STOML3: variants seen among roughly 807,000 people sequenced by gnomAD.
The protein encoded by STOML3 is stomatin like 3.
Under a neutral mutation model 29.5 loss-of-function variants are expected in STOML3, and 31 were observed. The ratio of observed to expected loss-of-function variants is 1.05; its 90% CI spans 0.79 to 1.42. The LOEUF (loss-of-function observed/expected upper bound fraction) is 1.42, where lower values mean the gene tolerates loss of function less well. Ranked by LOEUF, STOML3 falls within the 40% of genes most tolerant of loss-of-function variation. The pLI is 0.00. For missense variants in STOML3, 380 were observed against 363.0 expected (o/e 1.05, Z -0.38); for synonymous variants, 122 against 139.8 (o/e 0.87, Z 0.90).
At chr13:38,983,011 C>A (rs369701599) in intron 1 of STOML3, among the ~76,000 whole-genome samples, 1 of 152,176 alleles carries the variant, frequency 6.6e-6, no homozygotes, top group Non-Finnish European at 1.5e-5. Context: ...CAGACACAGG[C>A]ATGAGTGACT....
At chr13:38,990,614 C>G (rs1040026189) in intron 1 of STOML3, 56 bp downstream of exon 1, 1 of 1,578,238 alleles carries the variant, frequency 6.3e-7, no homozygotes, top group Admixed American at 1.7e-5. Flanking sequence ...AATGCTACAA[C>G]TCCTGCTTTG....
Position 38,970,356 on chromosome 13 carries a change from T to C in STOML3, c.345A>G (p.Val115=). ...AGATTCTGTAATAGACAACTCCATCTACCTGAGTAGTTACGGAGTCTCTGG... is the reference window on the plus strand; with the variant it reads ...AGATTCTGTAATAGACAACTCCATCCACCTGAGTAGTTACGGAGTCTCTGG... ...ILTRDSVTTQ[V]DGVVYYRIYS... The change falls in exon 5 of 7, where the codon GTA becomes GTG. Residue 115 remains valine (V), a synonymous_variant. Coordinates refer to ENST00000379631, the MANE Select transcript of STOML3 (RefSeq NM_145286.3). The C allele has an allele frequency of 1.2e-6, 2 of 1,614,188 alleles. No homozygotes were observed. The highest frequency in any genetic ancestry group is 1.7e-6 in the Non-Finnish European group (2 of 1,180,024).
intron 1 of STOML3, chr13:38,980,216 C>G: frequency 1.5e-6 from 2 of 1,374,826 alleles, no homozygotes; most frequent in Non-Finnish European, 2.0e-6. Context: ...GCCGCGGCTT[C>G]TGGGAGAATT....
intron 4 of STOML3, among the ~76,000 whole-genome samples, chr13:38,970,768 T>C (rs980037429): frequency 6.6e-6 from 1 of 152,200 alleles, no homozygotes; most frequent in Non-Finnish European, 1.5e-5. Context: ...CTGTACTCTT[T>C]TTTCTTTTCA....
chr13:38,976,759 G>A lies in STOML3; in HGVS notation c.91C>T (p.Leu31=), dbSNP rs1478373113. The A allele has an allele frequency of 6.2e-7, 1 of 1,613,982 alleles. No homozygotes were observed. Residue 31 remains leucine (L), a synonymous_variant, in exon 2 of 7, where the codon CTG becomes TTG. Coordinates refer to ENST00000379631, the MANE Select transcript of STOML3 (RefSeq NM_145286.3). ...ACCAACAGGAAAGAGAGGGAAAACA[G>A]GATCCAGCCACATACACCAAGCCGT... ...NKRLGVCGWI[L]FSLSFLLVII... is the part of the protein sequence containing the mutation.
intron 1 of STOML3, chr13:38,980,113 A>AG: frequency 6.4e-7 from 1 of 1,551,684 alleles, no homozygotes; most frequent in Non-Finnish European, 8.7e-7. Context: ...CATGAGGCTC[A>AG]GCTCCATTAG....
chr13:38,988,168 ATATAT>A lies in STOML3; in HGVS notation c.52+2497_52+2501del, dbSNP rs1231425950. Among the ~76,000 whole-genome samples, 2 of 92,010 alleles carry A rather than the reference ATATAT, an allele frequency of 2.2e-5. 1 individual carries two copies. Among genetic ancestry groups the A allele is most frequent in the Admixed American group, 3.6e-4 (2 of 5,562 alleles). The allele number at this position is 92,010 out of a possible 152,430, so 60.4% of individuals were successfully genotyped here. A position where few individuals can be genotyped will look rare whatever the true frequency, so the allele number is the denominator to read the frequency against. On this transcript the variant is annotated intron_variant, in intron 1 of 6. Transcript: ENST00000379631. ...TTTTATATCATATATTTTATATATA[ATATAT>A]TATATTTTATATAAAATATATTATA...
intron 3 of STOML3, among the ~76,000 whole-genome samples, chr13:38,973,843 T>A (rs1880978143): frequency 6.6e-6 from 1 of 152,196 alleles, no homozygotes; most frequent in Non-Finnish European, 1.5e-5. Flanking sequence ...GATACTTATG[T>A]AACAGATTCA....
chr13:38,989,018 T>G (rs1006235019), intron 1 of STOML3, among the ~76,000 whole-genome samples: 2 of 146,818 alleles, frequency 1.4e-5, no homozygotes, highest in Non-Finnish European at 3.0e-5. Context: ...TACTATATTA[T>G]ATAAGATATA....
At chr13:38,979,963 G>T in intron 1 of STOML3, 1 of 1,341,008 alleles carries the variant, frequency 7.5e-7, no homozygotes. Context: ...CTTAATGCCT[G>T]GAGCCAAGCC....
chr13:38,978,992 C>A (rs1487668683), intron 1 of STOML3, among the ~76,000 whole-genome samples: 4 of 152,158 alleles, frequency 2.6e-5, no homozygotes, highest in African/African-American at 9.7e-5. Context: ...AGTGCTTATT[C>A]CCACATGTCC....
rs779723147 is a variant in STOML3, at chr13:38,967,049, C to G, written c.652G>C (p.Val218Leu). 1.3e-5 allele frequency: 21 copies of G among 1,611,564 alleles called. No homozygotes were observed. The highest frequency in any genetic ancestry group is 1.8e-5 in the Non-Finnish European group (21 of 1,178,978). The change falls in exon 7 of 7, where the codon GTC (valine) becomes CTC (leucine). Residue 218 changes from valine to leucine, a missense_variant and splice_region_variant. Physicochemically the swap from Val to Leu is conservative, Grantham distance 32. Transcript: ENST00000379631. ...TTCATTTCTCCTTCAGCTGCAAGGA[C>G]CTGAAATGACAGAAATAAAATCGTT... ...AEATREARAK[V>L]LAAEGEMNAS...
chr13:38,972,465 G>C lies in STOML3; in HGVS notation c.312+47C>G, dbSNP rs756723703. 8.3e-6 allele frequency: 13 copies of C among 1,558,728 alleles called. No homozygotes were observed. The South Asian group carries it at 1.1e-4, about 14-fold the overall frequency. On this transcript the variant is annotated intron_variant, in intron 4 of 6. Coordinates refer to ENST00000379631, the MANE Select transcript of STOML3 (RefSeq NM_145286.3). Reference sequence around the variant, plus strand: ...AAATTGTAATTGTCCTTATAATAGAGAAAATACAAGTTTAATTTCGAGTGA... The same window carrying C: ...AAATTGTAATTGTCCTTATAATAGACAAAATACAAGTTTAATTTCGAGTGA...
At chr13:38,988,403 A>T (rs1235835646) in intron 1 of STOML3, among the ~76,000 whole-genome samples, 1 of 83,398 alleles carries the variant, frequency 1.2e-5, no homozygotes, top group African/African-American at 6.2e-5. Context: ...TTTTATATAA[A>T]ATATATGATA....
In STOML3 at chr13:38,966,827, A is replaced by T. The variant is rs1428406787; in HGVS notation, c.874T>A (p.Ter292ArgextTer23). ...TAGCTGACTACCGCAAGAGGACCTC[A>T]GGCTTTATTTGGAAGCTTCTTGTGG... is the stretch of plus-strand genomic sequence containing the variant. ...DNHKKLPNKA* is the reference protein window; with the variant it reads ...DNHKKLPNKAR Residue 292 changes from the stop codon to arginine, a stop_lost, in exon 7 of 7, where the codon TGA becomes AGA. Transcript: ENST00000379631. 1.2e-6 allele frequency: 2 copies of T among 1,612,678 alleles called. No homozygotes were observed. The highest frequency in any genetic ancestry group is 1.7e-6 in the Non-Finnish European group (2 of 1,179,792).
chr13:38,970,093 G>T, intron 5 of STOML3, 92 bp downstream of exon 5: 1 of 1,174,254 alleles, frequency 8.5e-7, no homozygotes, highest in Non-Finnish European at 1.2e-6. Context: ...TGCATGTGGT[G>T]GGGGATGCTT....
At chr13:38,985,372 G>T (rs529614359) in intron 1 of STOML3, among the ~76,000 whole-genome samples, 2 of 152,146 alleles carry the variant, frequency 1.3e-5, no homozygotes, top group Non-Finnish European at 2.9e-5. Flanking sequence ...GCAATGAGCC[G>T]AGATCGCGCT....
chr13:38,967,883 G>T (rs929702386), intron 6 of STOML3, among the ~76,000 whole-genome samples: 1 of 152,060 alleles, frequency 6.6e-6, no homozygotes, highest in African/African-American at 2.4e-5. Flanking sequence ...TCAGAGCCAG[G>T]GTGCACTTAC....
At chr13:38,983,257 C>T (rs934331048) in intron 1 of STOML3, among the ~76,000 whole-genome samples, 4 of 152,178 alleles carry the variant, frequency 2.6e-5, no homozygotes, top group Non-Finnish European at 5.9e-5. Context: ...CTTCCAGTAG[C>T]TCACTCCAGC....
Sources: allele counts gnomAD v4.1 joint callset (sites outside exome capture counted in the v4.1 genomes callset), GRCh38; gene constraint gnomAD v4.1.1; transcripts MANE v1.5; gene names NCBI Gene and HGNC (gene_info 2026-07-23, HGNC 2026-07-21).